Variants in MSH3 observed in about 807,000 individuals in gnomAD.
MSH3 encodes mutS homolog 3, also known as DNA mismatch repair protein Msh3.
In MSH3, 106 loss-of-function variants were observed where a neutral mutation model predicts 123.3. That is an observed-to-expected ratio of 0.86 (90% CI 0.73 to 1.01). MSH3 has a LOEUF of 1.01. Ranked by LOEUF, MSH3 falls within the 50% of genes least tolerant of loss-of-function variation. The pLI is 0.00. For synonymous variants in MSH3, 515 were observed against 481.4 expected (o/e 1.07, Z -0.91); for missense variants, 1,459 against 1,347.6 (o/e 1.08, Z -1.29).
intron 4 of MSH3, among the ~76,000 whole-genome samples, chr5:80,671,864 A>G (rs1389430006): frequency 6.6e-6 from 1 of 152,208 alleles, no homozygotes; most frequent in Non-Finnish European, 1.5e-5. Context: ...CATACTCTGT[A>G]GTGTCTTCTA....
chr5:80,672,765 A>G lies in MSH3; in HGVS notation c.934A>G (p.Thr312Ala), dbSNP rs1580552231. Residue 312 changes from threonine to alanine, a missense_variant, in exon 6 of 24, where the codon ACT (threonine) becomes GCT (alanine). Transcript: ENST00000265081. ...YKVGVVKQTE[T>A]AALKAIGDNR... ...GGTGGGAGTTGTGAAGCAAACTGAA[A>G]CTGCAGCATTAAAGGCCATTGGAGA... 1 of 1,614,080 alleles carries G rather than the reference A, an allele frequency of 6.2e-7. No homozygotes were observed. Among genetic ancestry groups the G allele is most frequent in the Non-Finnish European group, 8.5e-7 (1 of 1,179,962 alleles).
At chr5:80,829,560 C>A (rs1745383389) in intron 20 of MSH3, among the ~76,000 whole-genome samples, 1 of 152,088 alleles carries the variant, frequency 6.6e-6, no homozygotes, top group Non-Finnish European at 1.5e-5. Flanking sequence ...AAATGTTCAC[C>A]CAGTCTTGCA....
At chr5:80,802,131 A>T (rs955738236) in intron 19 of MSH3, among the ~76,000 whole-genome samples, 2 of 152,192 alleles carry the variant, frequency 1.3e-5, no homozygotes, top group African/African-American at 4.8e-5. Context: ...AATTCCAAAG[A>T]TAGCCACTGT....
chr5:80,666,287 ATG>A, intron 3 of MSH3, among the ~76,000 whole-genome samples: 1 of 152,178 alleles, frequency 6.6e-6, no homozygotes, highest in Non-Finnish European at 1.5e-5. Context: ...GTATGTGTGT[ATG>A]TATATATATG....
intron 20 of MSH3, among the ~76,000 whole-genome samples, chr5:80,844,439 G>A (rs897518869): frequency 6.6e-6 from 1 of 152,030 alleles, no homozygotes; most frequent in Admixed American, 6.6e-5. Context: ...GCTGAGTTCA[G>A]GTCCTGGATA....
chr5:80,787,747 T>C (rs1744535149), intron 18 of MSH3, 75 bp downstream of exon 18: 1 of 958,344 alleles, frequency 1.0e-6, no homozygotes. Flanking sequence ...ATAGTGTCTT[T>C]ATTATAAAAT....
At chr5:80,822,879 G>A (rs1157915805) in intron 20 of MSH3, among the ~76,000 whole-genome samples, 2 of 152,142 alleles carry the variant, frequency 1.3e-5, no homozygotes, top group African/African-American at 4.8e-5. Context: ...CTCAGGAACA[G>A]CCTTAAGGAA....
chr5:80,801,578 G>A (rs1308394169), intron 19 of MSH3, among the ~76,000 whole-genome samples: 1 of 152,098 alleles, frequency 6.6e-6, no homozygotes, highest in Non-Finnish European at 1.5e-5. Context: ...GGTGGGGGCT[G>A]GAAAAAATCT....
chr5:80,799,304 C>A (rs549853404), intron 19 of MSH3, among the ~76,000 whole-genome samples: 1 of 152,248 alleles, frequency 6.6e-6, no homozygotes, highest in South Asian at 2.1e-4. Flanking sequence ...AAAGATTTGG[C>A]TGAGAGCTCG....
intron 20 of MSH3, among the ~76,000 whole-genome samples, chr5:80,848,166 G>A (rs1745758620): frequency 6.6e-6 from 1 of 152,210 alleles, no homozygotes; most frequent in Non-Finnish European, 1.5e-5. Context: ...GAAGGTTGAG[G>A]CTGCAGTGAG....
chr5:80,862,754 T>C (rs1008119), intron 21 of MSH3, among the ~76,000 whole-genome samples: 19,109 of 151,894 alleles, frequency 0.13, 1,539 homozygotes, highest in East Asian at 0.35. Context: ...ATTGAGACCC[T>C]GTCTCTAAAA....
At chr5:80,739,971 A>G (rs1184000525) in intron 10 of MSH3, among the ~76,000 whole-genome samples, 1 of 152,212 alleles carries the variant, frequency 6.6e-6, no homozygotes. Context: ...AAGGGTGGTT[A>G]GGTTTATAGC....
chr5:80,875,564 C>CT (rs1746293031), intron 23 of MSH3, among the ~76,000 whole-genome samples, 187 bp from the exon 24 acceptor site: 1 of 152,146 alleles, frequency 6.6e-6, no homozygotes, highest in Admixed American at 6.5e-5. Context: ...AATTGGTAAC[C>CT]TGGGTCCCTT....
chr5:80,820,797 G>C (rs1745192137), intron 20 of MSH3, among the ~76,000 whole-genome samples: 1 of 152,190 alleles, frequency 6.6e-6, no homozygotes, highest in African/African-American at 2.4e-5. Flanking sequence ...TAATACACAG[G>C]AAAGAGCAAA....
chr5:80,670,343 T>G lies in MSH3; in HGVS notation c.792+34T>G, dbSNP rs758631365. On this transcript the variant is annotated intron_variant, in intron 4 of 23. Coordinates refer to ENST00000265081, the MANE Select transcript of MSH3 (RefSeq NM_002439.5). ...TCTTTTCAGGCACTATTTTATATTT[T>G]TCTTGTCTAGCCTTAGATATTTTTC... The G allele has an allele frequency of 2.5e-6, 4 of 1,590,154 alleles. No individual in the cohort carries two copies. The East Asian group carries it at 6.7e-5, about 27-fold the overall frequency.
chr5:80,854,005 G>A, intron 20 of MSH3, 125 bp from the exon 21 acceptor site: 2 of 755,774 alleles, frequency 2.6e-6, no homozygotes, highest in South Asian at 1.7e-5. Context: ...TTTAATTTGA[G>A]CTATTATTGG....
chr5:80,832,124 CAA>C (rs1450064661), intron 20 of MSH3, among the ~76,000 whole-genome samples: 5 of 151,290 alleles, frequency 3.3e-5, no homozygotes, highest in Non-Finnish European at 5.9e-5. Context: ...AACAAAAAAA[CAA>C]AAAAACAAAA....
At chr5:80,730,914 T>C (rs1481934352) in intron 10 of MSH3, among the ~76,000 whole-genome samples, 1 of 147,456 alleles carries the variant, frequency 6.8e-6, no homozygotes, top group Non-Finnish European at 1.5e-5. Context: ...TTTTCTTTTT[T>C]TTTTTTTAGA....
intron 20 of MSH3, among the ~76,000 whole-genome samples, chr5:80,835,184 G>A (rs192439594): frequency 1.3e-5 from 2 of 152,342 alleles, no homozygotes; most frequent in African/African-American, 4.8e-5. Flanking sequence ...AAAAATGTAG[G>A]GGAAGGGTAA....
Sources: allele counts gnomAD v4.1 joint callset (sites outside exome capture counted in the v4.1 genomes callset), GRCh38; gene constraint gnomAD v4.1.1; transcripts MANE v1.5; gene names NCBI Gene and HGNC (gene_info 2026-07-23, HGNC 2026-07-21).